IL1RAPL1: variants seen among roughly 807,000 people sequenced by gnomAD.
IL1RAPL1 encodes the protein interleukin 1 receptor accessory protein like 1, also known as interleukin-1 receptor accessory protein-like 1.
A neutral mutation model predicts 48.4 loss-of-function variants in IL1RAPL1; 3 were observed. The ratio of observed to expected loss-of-function variants is 0.06; its 90% CI spans 0.03 to 0.16. The LOEUF is 0.16. Ranked by LOEUF, IL1RAPL1 falls within the 10% of genes least tolerant of loss-of-function variation. The pLI is 1.00. For synonymous variants in IL1RAPL1, 185 were observed against 187.7 expected, an observed-to-expected ratio of 0.99 and a Z score of 0.12; for missense variants, 349 against 530.6, an observed-to-expected ratio of 0.66 and a Z score of 3.36.
At chrX:28,761,560 G>C (rs1482472072) in intron 1 of IL1RAPL1, among the ~76,000 whole-genome samples, 2 of 111,355 alleles carry the variant, frequency 1.8e-5, no homozygotes, top group Non-Finnish European at 3.8e-5. Context: ...TAAACATAAA[G>C]ATGGGAACAG....
At chrX:28,821,861 A>C (rs1008849021) in intron 2 of IL1RAPL1, among the ~76,000 whole-genome samples, 16 of 111,404 alleles carry the variant, frequency 1.4e-4, no homozygotes, top group Non-Finnish European at 1.7e-4. Context: ...AAATTGGCCT[A>C]AATTATGACA....
chrX:29,178,753 A>G (rs954026331), intron 2 of IL1RAPL1, among the ~76,000 whole-genome samples: 53 of 111,935 alleles, frequency 4.7e-4, no homozygotes, highest in Non-Finnish European at 7.3e-4. Flanking sequence ...TCTTTAATCC[A>G]TCTTGAATTA....
chrX:29,023,688 G>C (rs748090359), intron 2 of IL1RAPL1, among the ~76,000 whole-genome samples: 22 of 112,275 alleles, frequency 2.0e-4, no homozygotes, highest in African/African-American at 7.1e-4. Context: ...TGCAGTTTTA[G>C]CATCTATTAT....
At chrX:29,561,522 C>G (rs940896975) in intron 5 of IL1RAPL1, among the ~76,000 whole-genome samples, 5 of 111,713 alleles carry the variant, frequency 4.5e-5, no homozygotes, top group Non-Finnish European at 9.4e-5. Flanking sequence ...CCAGTTTCTT[C>G]TGTGTTATGG....
At chrX:29,451,213 A>C (rs1170977903) in intron 5 of IL1RAPL1, among the ~76,000 whole-genome samples, 1 of 102,161 alleles carries the variant, frequency 9.8e-6, no homozygotes, top group East Asian at 3.0e-4. Flanking sequence ...TTTGAGAAGG[A>C]GTCTTACTCT....
intron 6 of IL1RAPL1, among the ~76,000 whole-genome samples, chrX:29,786,880 C>G (rs1241649036): frequency 9.0e-6 from 1 of 111,041 alleles, no homozygotes; most frequent in Non-Finnish European, 1.9e-5. Flanking sequence ...TGGGTCTTGC[C>G]TGAGATTCTT....
At chrX:29,689,793 T>A (rs771139152) in intron 6 of IL1RAPL1, among the ~76,000 whole-genome samples, 1 of 112,234 alleles carries the variant, frequency 8.9e-6, no homozygotes, top group Admixed American at 9.4e-5. Flanking sequence ...TGTAGACACA[T>A]TACGAATTTA....
At chrX:28,881,801 C>T (rs970374463) in intron 2 of IL1RAPL1, among the ~76,000 whole-genome samples, 21 of 111,033 alleles carry the variant, frequency 1.9e-4, no homozygotes, top group African/African-American at 6.9e-4. Context: ...AATCAATGAA[C>T]TTCAAGACAT....
At chrX:28,782,271 T>G (rs1269770095) in intron 1 of IL1RAPL1, among the ~76,000 whole-genome samples, 1 of 111,923 alleles carries the variant, frequency 8.9e-6, no homozygotes, top group Non-Finnish European at 1.9e-5. Flanking sequence ...TTTTATGTTC[T>G]AAAAAACACA....
intron 2 of IL1RAPL1, among the ~76,000 whole-genome samples, chrX:28,998,195 T>TA (rs375090885): frequency 2.3e-4 from 24 of 105,785 alleles, no homozygotes; most frequent in East Asian, 5.9e-4. Flanking sequence ...TTAATTGCCT[T>TA]AAAAAAAAAA....
intron 2 of IL1RAPL1, among the ~76,000 whole-genome samples, chrX:29,260,464 G>A (rs1171019769): frequency 8.9e-6 from 1 of 111,927 alleles, no homozygotes; most frequent in African/African-American, 3.2e-5. Flanking sequence ...GCTGGGAAAC[G>A]CCCATTTATA....
chrX:29,848,599 T>G (rs1931296675), intron 6 of IL1RAPL1, among the ~76,000 whole-genome samples: 1 of 111,574 alleles, frequency 9.0e-6, no homozygotes, highest in African/African-American at 3.3e-5. Context: ...TTATGGTTTT[T>G]GTTTGTATTT....
intron 2 of IL1RAPL1, among the ~76,000 whole-genome samples, chrX:28,914,462 T>C (rs1923437250): frequency 8.9e-6 from 1 of 112,042 alleles, no homozygotes; most frequent in Non-Finnish European, 1.9e-5. Flanking sequence ...CTTAAATTAT[T>C]CCACCAACTC....
intron 5 of IL1RAPL1, among the ~76,000 whole-genome samples, chrX:29,618,092 A>G (rs1355722308): frequency 8.9e-6 from 1 of 112,154 alleles, no homozygotes; most frequent in Non-Finnish European, 1.9e-5. Context: ...CTGTGAAAGC[A>G]TTATCTAAAA....
intron 2 of IL1RAPL1, among the ~76,000 whole-genome samples, chrX:28,940,777 A>G (rs1354704818): frequency 2.7e-5 from 3 of 110,449 alleles, no homozygotes; most frequent in Non-Finnish European, 5.7e-5. Context: ...TTGGAGGAAC[A>G]GGTAAATATT....
intron 2 of IL1RAPL1, among the ~76,000 whole-genome samples, chrX:29,202,785 A>G (rs907654377): frequency 1.8e-5 from 2 of 112,012 alleles, no homozygotes; most frequent in East Asian, 5.6e-4. Context: ...ATGTGTTCTG[A>G]CCTATAAGTG....
chrX:29,766,269 A>G (rs1208551011), intron 6 of IL1RAPL1, among the ~76,000 whole-genome samples: 2 of 97,523 alleles, frequency 2.1e-5, no homozygotes, highest in Non-Finnish European at 4.0e-5. Context: ...CGGAGGTTGC[A>G]GTGAGCCAAT....
At chrX:29,449,780 C>CAGAGAGAGAGAG (rs59465141) in intron 5 of IL1RAPL1, among the ~76,000 whole-genome samples, 8 of 58,247 alleles carry the variant, frequency 1.4e-4, no homozygotes, top group African/African-American at 5.2e-4. Flanking sequence ...CACACACACA[C>CAGAGAGAGAGAG]AGAGAGAGAG....
rs951207201 is a variant in IL1RAPL1 at position 28,847,402 on chromosome X, G to A, written c.82+57977G>A. 5.4e-5 allele frequency among the ~76,000 whole-genome samples: 6 copies of A among 110,858 alleles called. No homozygotes were observed. The East Asian group carries it at 1.4e-3, about 26-fold the overall frequency. ...TTTTATTCTGAATATGGCAGCCAGC[G>A]TGATTCCTTCACTTACCAATTGTAT... On this transcript the variant is annotated intron_variant, in intron 2 of 10. Transcript: ENST00000378993.
Sources: allele counts gnomAD v4.1 joint callset (sites outside exome capture counted in the v4.1 genomes callset), GRCh38; gene constraint gnomAD v4.1.1; transcripts MANE v1.5; gene names NCBI Gene and HGNC (gene_info 2026-07-23, HGNC 2026-07-21).